GFM1: variants seen among roughly 807,000 people sequenced by gnomAD.
The protein encoded by GFM1 is G elongation factor mitochondrial 1.
GFM1 carries 62 observed loss-of-function variants against 96.2 expected under a neutral mutation model. The observed-to-expected ratio is 0.64, with a 90% CI of 0.53 to 0.80. The LOEUF is 0.80. Among genes scored for constraint, GFM1 ranks in the 30% least tolerant of loss-of-function variants. GFM1 has a pLI of 0.00. For missense variants in GFM1, 852 were observed against 916.6 expected (o/e 0.93, Z 0.91); for synonymous variants, 282 against 312.9 (o/e 0.90, Z 1.04).
intron 8 of GFM1, chr3:158,656,098 A>G: frequency 3.1e-6 from 1 of 323,630 alleles, no homozygotes; most frequent in South Asian, 2.6e-5. Context: ...TTGTCACATC[A>G]TATCCAAGGT....
chr3:158,646,403 G>A (rs1042725027), intron 3 of GFM1, 106 bp downstream of exon 3: 1 of 1,163,882 alleles, frequency 8.6e-7, no homozygotes, highest in South Asian at 1.3e-5. Flanking sequence ...ACTCAAAAGT[G>A]TAACACTGAA....
chr3:158,674,859 T>A (rs1359408985), intron 13 of GFM1, among the ~76,000 whole-genome samples: 1 of 152,248 alleles, frequency 6.6e-6, no homozygotes, highest in Non-Finnish European at 1.5e-5. Flanking sequence ...TCTGTCATTA[T>A]ATGTGCAGTC....
rs145106063 is a variant in GFM1, at chr3:158,659,281, T to C, written c.1221+222T>C. 3.8e-3 allele frequency among the ~76,000 whole-genome samples: 574 copies of C among 152,346 alleles called. 3 individuals are homozygous for C. Among genetic ancestry groups the C allele is most frequent in the African/African-American group, 0.013 (532 of 41,584 alleles). On this transcript the variant is annotated intron_variant, in intron 9 of 17. Transcript: ENST00000486715. ...AATACCGCTAGTTGTGAATTAGCTA[T>C]ATTTTCTCAAGGGCCAAGGTTAAGG...
Position 158,693,612 on chromosome 3 carries a change from A to G in GFM1, c.*2145A>G, listed in dbSNP as rs527555377. 42 of 152,334 alleles carry G rather than the reference A, an allele frequency of 2.8e-4. No individual in the cohort carries two copies. Among genetic ancestry groups the G allele is most frequent in the Admixed American group, 9.8e-4 (15 of 15,302 alleles). The allele number at this position is 152,334 out of a possible 1,614,324, so 9.4% of individuals were successfully genotyped here. A position where few individuals can be genotyped will look rare whatever the true frequency, so the allele number is the denominator to read the frequency against. ...TCACATACCAACCAAAGTCTGTAGC[A>G]TGGAAAAAAATTAATGAGAATATTC... On this transcript the variant is annotated 3_prime_UTR_variant, in exon 18 of 18. Coordinates refer to ENST00000486715, the MANE Select transcript of GFM1 (RefSeq NM_024996.7).
intron 13 of GFM1, among the ~76,000 whole-genome samples, chr3:158,678,046 G>T (rs1381178634): frequency 1.3e-5 from 2 of 152,132 alleles, no homozygotes; most frequent in Admixed American, 6.5e-5. Flanking sequence ...TTCTGCAAAT[G>T]GAATAACAAA....
intron 11 of GFM1, among the ~76,000 whole-genome samples, chr3:158,663,506 G>A (rs1190238024): frequency 8.2e-6 from 1 of 122,320 alleles, no homozygotes; most frequent in Non-Finnish European, 1.7e-5. Context: ...GGAACCTTGG[G>A]ATTTTCCAGA....
intron 13 of GFM1, chr3:158,669,344 A>T: frequency 7.4e-7 from 1 of 1,343,016 alleles, no homozygotes; most frequent in Non-Finnish European, 1.0e-6. Flanking sequence ...TTTCTAACAT[A>T]CTTAGCAACT....
chr3:158,645,732 T>G lies in GFM1; in HGVS notation c.185T>G (p.Leu62Ter), dbSNP rs774252647. ...SAHIDSGKTT[L>*]TERVLYYTGR... ...CACATTGATTCTGGGAAAACTACATTAACAGAACGAGTCCTTTACTACACT... is the reference window on the plus strand; with the variant it reads ...CACATTGATTCTGGGAAAACTACATGAACAGAACGAGTCCTTTACTACACT... The change falls in exon 2 of 18, where the codon TTA (leucine) becomes TGA (stop). Residue 62 changes from leucine (L) to a stop codon, truncating the protein, a stop_gained. Transcript: ENST00000486715. LOFTEE classifies it high-confidence loss of function. The G allele has an allele frequency of 6.2e-7, 1 of 1,612,566 alleles. No individual in the cohort carries two copies. Among genetic ancestry groups the G allele is most frequent in the Non-Finnish European group, 8.5e-7 (1 of 1,178,656 alleles).
At position 158,659,039 on chromosome 3, in the gene GFM1, A is replaced by G. The variant is rs140888276; in HGVS notation, c.1201A>G (p.Met401Val). Residue 401 changes from methionine (M) to valine (V), a missense_variant, in exon 9 of 18, where the codon ATG (methionine) becomes GTG (valine). Transcript: ENST00000486715. The part of the protein sequence containing the change: ...KKVRLQRLAR[M>V]HADMMEDVEE... ...AGTACGGTTGCAACGGCTGGCTCGCATGCATGCCGACATGATGGAGGCAAG... is the reference window on the plus strand; with the variant it reads ...AGTACGGTTGCAACGGCTGGCTCGCGTGCATGCCGACATGATGGAGGCAAG... 3.4e-5 allele frequency: 55 copies of G among 1,614,070 alleles called. No individual in the cohort carries two copies. Among genetic ancestry groups the G allele is most frequent in the African/African-American group, 8.0e-5 (6 of 74,934 alleles).
At chr3:158,662,494 G>T in intron 10 of GFM1, 134 bp from the exon 11 acceptor site, 1 of 654,020 alleles carries the variant, frequency 1.5e-6, no homozygotes, top group Non-Finnish European at 2.8e-6. Flanking sequence ...CAAGATATAT[G>T]TTGTCTAGCC....
chr3:158,670,634 A>G (rs1724195276), intron 13 of GFM1, among the ~76,000 whole-genome samples: 1 of 152,264 alleles, frequency 6.6e-6, no homozygotes, highest in Non-Finnish European at 1.5e-5. Flanking sequence ...AAAAAGAGGT[A>G]AAACTAATCA....
rs1576745636 is a variant in GFM1 at position 158,659,164 on chromosome 3, A to G, written c.1221+105A>G. 6 of 1,278,728 alleles carry G rather than the reference A, an allele frequency of 4.7e-6. No individual in the cohort carries two copies. In the Admixed American group the frequency reaches 5.5e-5, roughly 12 times the overall value. 79.2% of individuals were successfully genotyped at this position (1,278,728 alleles called of 1,614,324 possible). ...TAGAAAATTAATTCTGGTTAAATAT[A>G]TGTTTCTAGTTTCTTTCTACTTAAA... On this transcript the variant is annotated intron_variant, in intron 9 of 17. Transcript: ENST00000486715.
chr3:158,646,984 A>G (rs1461928660), intron 4 of GFM1, 37 bp downstream of exon 4: 6 of 1,488,730 alleles, frequency 4.0e-6, no homozygotes, highest in African/African-American at 1.4e-5. Context: ...GGATGTGATG[A>G]TCTAGACAGC....
At chr3:158,673,143 A>G (rs1724523652) in intron 13 of GFM1, among the ~76,000 whole-genome samples, 1 of 152,176 alleles carries the variant, frequency 6.6e-6, no homozygotes, top group African/African-American at 2.4e-5. Flanking sequence ...AGAATCTGCA[A>G]ACTATAGTAT....
At position 158,653,319 on chromosome 3, in the gene GFM1, C is replaced by A; in HGVS notation, c.850C>A (p.Arg284=). Reference sequence around the variant, plus strand: ...TTGTTTTCTTTTGTAGCTAGCAATTCGAAGAGCTACTCTGAAAAGATCATT... The same window carrying A: ...TTGTTTTCTTTTGTAGCTAGCAATTAGAAGAGCTACTCTGAAAAGATCATT... ...PSISDLKLAI[R]RATLKRSFTP... The change falls in exon 7 of 18, where the codon CGA becomes AGA. Residue 284 remains arginine (R), a synonymous_variant. Coordinates refer to ENST00000486715, the MANE Select transcript of GFM1 (RefSeq NM_024996.7). The A allele has an allele frequency of 4.3e-6, 7 of 1,612,558 alleles. No individual in the cohort carries two copies. The highest frequency in any genetic ancestry group is 5.9e-6 in the Non-Finnish European group (7 of 1,179,112).
chr3:158,666,799 C>A, intron 13 of GFM1: 1 of 1,533,492 alleles, frequency 6.5e-7, no homozygotes, highest in Non-Finnish European at 9.0e-7. Flanking sequence ...TTTAGGAAAA[C>A]GTAGTTGGGT....
chr3:158,663,161 T>C (rs1357988853), intron 11 of GFM1, among the ~76,000 whole-genome samples: 1 of 152,220 alleles, frequency 6.6e-6, no homozygotes, highest in Non-Finnish European at 1.5e-5. Flanking sequence ...TTTTTTCCAC[T>C]TTGAAATATT....
intron 13 of GFM1, among the ~76,000 whole-genome samples, chr3:158,676,161 C>T (rs913370429): frequency 1.3e-5 from 2 of 151,892 alleles, no homozygotes; most frequent in South Asian, 2.1e-4. Flanking sequence ...TCCAGCTACT[C>T]GGGAGGCTGA....
intron 14 of GFM1, 26 bp downstream of exon 14, chr3:158,682,183 C>G (rs753733948): frequency 3.7e-5 from 59 of 1,579,636 alleles, no homozygotes; most frequent in Non-Finnish European, 5.0e-5. Context: ...AGTGTTTTTG[C>G]ATTTTTACTT....
Sources: gnomAD v4.1 joint callset for allele counts (sites outside exome capture counted in the v4.1 genomes callset) on GRCh38, gnomAD v4.1.1 for gene constraint, MANE v1.5 for transcripts, NCBI Gene and HGNC (gene_info 2026-07-23, HGNC 2026-07-21) for gene names.